KATNBL1: variants seen among roughly 807,000 people sequenced by gnomAD.
KATNBL1 encodes KATNB1-like protein 1.
In KATNBL1, 28 loss-of-function variants were observed where a neutral mutation model predicts 44.7. The observed-to-expected ratio is 0.63, with a 90% CI of 0.46 to 0.86. KATNBL1 has a LOEUF of 0.86. Among genes scored for constraint, KATNBL1 ranks in the 40% least tolerant of loss-of-function variants. KATNBL1 has a pLI of 0.00. For synonymous variants in KATNBL1, 78 were observed against 114.9 expected (o/e 0.68, Z 2.06); for missense variants, 272 against 350.7 (o/e 0.78, Z 1.79).
Position 34,163,683 on chromosome 15 carries a change from T to C in KATNBL1, c.-7A>G, listed in dbSNP as rs1023004897. ...TGTGGGTTTCTGATGCCATAATCTC[T>C]TAAGTACCTAGACAATAAAATAAAA... On this transcript the variant is annotated 5_prime_UTR_variant, in exon 2 of 10. Transcript: ENST00000256544. The C allele has an allele frequency of 8.6e-6, 13 of 1,515,170 alleles. No homozygotes were observed. The highest frequency in any genetic ancestry group is 1.2e-5 in the Non-Finnish European group (13 of 1,115,702). 93.9% of individuals were successfully genotyped at this position (1,515,170 alleles called of 1,614,324 possible).
intron 1 of KATNBL1, among the ~76,000 whole-genome samples, chr15:34,173,460 A>T (rs932992700): frequency 1.2e-4 from 19 of 152,312 alleles, no homozygotes; most frequent in African/African-American, 4.3e-4. Context: ...ATATCCAGCC[A>T]AATTATCAAG....
At chr15:34,143,550 G>A (rs988013072) in intron 9 of KATNBL1, among the ~76,000 whole-genome samples, 1 of 151,794 alleles carries the variant, frequency 6.6e-6, no homozygotes, top group East Asian at 1.9e-4. Context: ...TATACAGAAT[G>A]CAACAACCCT....
At chr15:34,153,994 A>G (rs957532093) in intron 3 of KATNBL1, among the ~76,000 whole-genome samples, 2 of 152,316 alleles carry the variant, frequency 1.3e-5, no homozygotes, top group East Asian at 1.9e-4. Context: ...CCCAAAACCC[A>G]TATTTTCTAA....
intron 1 of KATNBL1, among the ~76,000 whole-genome samples, chr15:34,164,746 A>G (rs1160054775): frequency 6.6e-6 from 1 of 152,226 alleles, no homozygotes; most frequent in Non-Finnish European, 1.5e-5. Context: ...AGCATTCACT[A>G]TAAGCCAGGC....
chr15:34,178,411 C>G (rs909322133), intron 1 of KATNBL1, among the ~76,000 whole-genome samples: 3 of 152,218 alleles, frequency 2.0e-5, no homozygotes, highest in African/African-American at 7.2e-5. Context: ...TCCCATGAGG[C>G]AGCTACCATG....
chr15:34,154,551 A>G, intron 3 of KATNBL1, 93 bp downstream of exon 3: 1 of 785,764 alleles, frequency 1.3e-6, no homozygotes, highest in Non-Finnish European at 2.2e-6. Context: ...GTTAATTATT[A>G]TTATGATAAA....
In KATNBL1 at chr15:34,147,209, T is replaced by C. The variant is rs139830158; in HGVS notation, c.689A>G (p.Lys230Arg). 1.3e-6 allele frequency: 2 copies of C among 1,593,340 alleles called. No individual in the cohort carries two copies. The highest frequency in any genetic ancestry group is 2.7e-5 in the African/African-American group (2 of 74,426). The stretch of plus-strand genomic sequence containing the variant: ...TCAGATTAGCACTTACTCTTCAAAT[T>C]TGCTTTTAAGTAGTGACTTTACTAG... ...LPLVKSLLKS[K>R]FEEYVIVGLN... Residue 230 changes from lysine to arginine, a missense_variant, in exon 7 of 10, where the codon AAA becomes AGA. This residue lies in a region of KATNBL1 where 111 missense variants were observed against 149.3 expected (regional missense o/e 0.74). Transcript: ENST00000256544.
At chr15:34,192,365 C>A (rs1045751262) in intron 1 of KATNBL1, among the ~76,000 whole-genome samples, 1 of 149,184 alleles carries the variant, frequency 6.7e-6, no homozygotes, top group Non-Finnish European at 1.5e-5. Flanking sequence ...GATGGCGCCA[C>A]TGCACTCAAG....
intron 1 of KATNBL1, among the ~76,000 whole-genome samples, chr15:34,181,401 G>A (rs961712496): frequency 5.3e-5 from 8 of 151,000 alleles, no homozygotes; most frequent in African/African-American, 1.9e-4. Flanking sequence ...TCTAAATATC[G>A]AAGACATACT....
At chr15:34,150,794 T>C (rs73376173) in intron 4 of KATNBL1, among the ~76,000 whole-genome samples, 1,798 of 152,300 alleles carry the variant, frequency 0.012, 39 homozygotes, top group African/African-American at 0.041. Flanking sequence ...ATGTCTGTTG[T>C]TCCCATCTTT....
intron 1 of KATNBL1, among the ~76,000 whole-genome samples, chr15:34,203,043 T>G (rs2141005477): frequency 6.6e-6 from 1 of 152,222 alleles, no homozygotes. Context: ...TCACCTAAAC[T>G]CTGGATTCAA....
At chr15:34,167,824 T>C (rs1217732436) in intron 1 of KATNBL1, among the ~76,000 whole-genome samples, 1 of 152,206 alleles carries the variant, frequency 6.6e-6, no homozygotes, top group Non-Finnish European at 1.5e-5. Context: ...CAGAATTTCA[T>C]ATCCAGCCAA....
chr15:34,144,696 G>A (rs774258668), intron 9 of KATNBL1, among the ~76,000 whole-genome samples: 61 of 151,566 alleles, frequency 4.0e-4, no homozygotes, highest in Admixed American at 2.0e-4. Flanking sequence ...TCAGCCTCCC[G>A]AGTAGCTGGG....
intron 1 of KATNBL1, among the ~76,000 whole-genome samples, chr15:34,197,694 A>AT: frequency 6.6e-6 from 1 of 152,158 alleles, no homozygotes; most frequent in East Asian, 1.9e-4. Context: ...TCTTTGGCTT[A>AT]TTTTTATCAA....
intron 1 of KATNBL1, among the ~76,000 whole-genome samples, chr15:34,193,409 C>T (rs1352927085): frequency 6.6e-6 from 1 of 151,656 alleles, no homozygotes; most frequent in East Asian, 1.9e-4. Context: ...TGGCATACGT[C>T]TGTAATCTCA....
At chr15:34,147,570 C>A in intron 5 of KATNBL1, 140 bp from the exon 6 acceptor site, 10 of 531,408 alleles carry the variant, frequency 1.9e-5, no homozygotes, top group Non-Finnish European at 2.3e-5. Flanking sequence ...TCTGTGGATA[C>A]AGCAATGAAC....
At chr15:34,153,815 C>T (rs1888555359) in intron 3 of KATNBL1, among the ~76,000 whole-genome samples, 1 of 152,162 alleles carries the variant, frequency 6.6e-6, no homozygotes, top group South Asian at 2.1e-4. Flanking sequence ...ATGATCCACC[C>T]ACCTTGGCCT....
At chr15:34,188,039 T>A (rs1889763457) in intron 1 of KATNBL1, among the ~76,000 whole-genome samples, 1 of 144,086 alleles carries the variant, frequency 6.9e-6, no homozygotes, top group African/African-American at 2.6e-5. Flanking sequence ...CTCGGTAGGT[T>A]GGGGCAAGAG....
At chr15:34,174,146 C>T (rs1403116953) in intron 1 of KATNBL1, among the ~76,000 whole-genome samples, 1 of 152,088 alleles carries the variant, frequency 6.6e-6, no homozygotes, top group Non-Finnish European at 1.5e-5. Flanking sequence ...GTTCAAAATA[C>T]AGGTAAAGAA....
Sources: gnomAD v4.1 joint callset for allele counts (sites outside exome capture counted in the v4.1 genomes callset) on GRCh38, gnomAD v4.1.1 for gene constraint, gnomAD v4.1.1 regional missense constraint, MANE v1.5 for transcripts, NCBI Gene and HGNC (gene_info 2026-07-23, HGNC 2026-07-21) for gene names.